The following GSKIP variants were observed in gnomAD, a reference collection of about 807,000 sequenced individuals.
GSKIP encodes the protein GSK3B-interacting protein.
A neutral mutation model predicts 11.9 loss-of-function variants in GSKIP; 5 were observed. The ratio of observed to expected loss-of-function variants is 0.42; its 90% CI spans 0.22 to 0.89. The LOEUF is 0.89. Among genes scored for constraint, GSKIP ranks in the 40% least tolerant of loss-of-function variants. GSKIP has a pLI of 0.29. For synonymous variants in GSKIP, 70 were observed against 62.9 expected (o/e 1.11, Z -0.54); for missense variants, 150 against 166.6 (o/e 0.90, Z 0.55).
intron 1 of GSKIP, among the ~76,000 whole-genome samples, chr14:96,369,276 C>G (rs1446698474): frequency 1.3e-5 from 2 of 152,112 alleles, no homozygotes; most frequent in African/African-American, 2.4e-5. Context: ...AAGGAATGAC[C>G]TAAAGTTGGA....
chr14:96,369,277 TA>T (rs1383420573), intron 1 of GSKIP, among the ~76,000 whole-genome samples: 5 of 152,158 alleles, frequency 3.3e-5, no homozygotes, highest in Non-Finnish European at 7.3e-5. Flanking sequence ...AGGAATGACC[TA>T]AAGTTGGAAT....
At chr14:96,385,383 C>A in intron 3 of GSKIP, 140 bp from the exon 4 acceptor site, 1 of 596,892 alleles carries the variant, frequency 1.7e-6, no homozygotes, top group Non-Finnish European at 2.9e-6. Flanking sequence ...CACTCAGTTA[C>A]CCATGTATCT....
chr14:96,379,988 C>T (rs993584638), intron 2 of GSKIP, 200 bp downstream of exon 2: 12 of 152,046 alleles, frequency 7.9e-5, no homozygotes, highest in African/African-American at 2.4e-4. Flanking sequence ...ATCTTCAAAA[C>T]TATGTAAAAA....
intron 2 of GSKIP, among the ~76,000 whole-genome samples, chr14:96,380,672 T>C (rs1481512175): frequency 6.6e-6 from 1 of 152,158 alleles, no homozygotes; most frequent in Non-Finnish European, 1.5e-5. Context: ...GGTGTCCATA[T>C]TGTCAGAAAA....
chr14:96,367,152 C>T (rs576434675), intron 1 of GSKIP, among the ~76,000 whole-genome samples: 1 of 152,252 alleles, frequency 6.6e-6, no homozygotes, highest in Admixed American at 6.5e-5. Context: ...AGCTGTTTGC[C>T]CAGCACAGTT....
In GSKIP at chr14:96,381,805, CTTTTTT is replaced by C. The variant is rs3834520; in HGVS notation, c.-1-440_-1-435del. Among the ~76,000 whole-genome samples, 611 of 152,216 alleles carry C rather than the reference CTTTTTT, an allele frequency of 4.0e-3. 22 individuals carry two copies. The South Asian group carries it at 0.059, about 15-fold the overall frequency. On this transcript the variant is annotated intron_variant, in intron 2 of 3. Transcript: ENST00000555181. ...ATTGGTAAAGTATAAGTCATACTCTCTTTTTTTGTTTTTTTGAAGGGTAAATTGACA... is the reference window on the plus strand; with the variant it reads ...ATTGGTAAAGTATAAGTCATACTCTCTGTTTTTTTGAAGGGTAAATTGACA...
intron 3 of GSKIP, among the ~76,000 whole-genome samples, chr14:96,383,594 T>G (rs992701607): frequency 3.9e-5 from 6 of 152,344 alleles, no homozygotes; most frequent in Non-Finnish European, 7.3e-5. Context: ...CCTAAGCAAG[T>G]AAGAATGTCA....
chr14:96,363,574 C>G lies in GSKIP; in HGVS notation c.-103+6C>G, dbSNP rs985396452. On this transcript the variant is annotated splice_donor_region_variant and intron_variant, in intron 1 of 3. Transcript: ENST00000555181. Reference sequence around the variant, plus strand: ...AGAGGACGCCGGGCGCGCAGGTGAGCGGCAGCCGGGGTGGCTGCGGGCGAG... The same window carrying G: ...AGAGGACGCCGGGCGCGCAGGTGAGGGGCAGCCGGGGTGGCTGCGGGCGAG... 1 of 152,634 alleles carries G rather than the reference C, an allele frequency of 6.6e-6. No homozygotes were observed. 9.5% of individuals were successfully genotyped at this position (152,634 alleles called of 1,614,324 possible).
At chr14:96,373,255 AAGG>A (rs1407072281) in intron 1 of GSKIP, among the ~76,000 whole-genome samples, 4 of 150,596 alleles carry the variant, frequency 2.7e-5, no homozygotes, top group Non-Finnish European at 3.0e-5. Flanking sequence ...AAAAAAAAGA[AAGG>A]AGGATACTCA....
Position 96,380,390 on chromosome 14 carries a change from C to G in GSKIP, c.-2+602C>G, listed in dbSNP as rs73365126. On this transcript the variant is annotated intron_variant, in intron 2 of 3. Coordinates refer to ENST00000555181, the MANE Select transcript of GSKIP (RefSeq NM_016472.5). The stretch of plus-strand genomic sequence containing the variant: ...TGCAAATGACATTCAGCTGTAGGAA[C>G]TCCAGCTTCTTAAGATTTTTGCTGA... The G allele has an allele frequency of 3.0e-3, 452 of 152,310 alleles. 1 individual carries two copies. The highest frequency in any genetic ancestry group is 0.01 in the African/African-American group (433 of 41,570). 9.4% of individuals were successfully genotyped at this position (152,310 alleles called of 1,614,324 possible).
At position 96,377,435 on chromosome 14, in the gene GSKIP, C is replaced by T. The variant is rs528949557; in HGVS notation, c.-102-2253C>T. ...GTGGTTGTTCCTTCGCTGAAATGGGCGTGTATTTTCTCATCCTCAATGGTA... is the reference window on the plus strand; with the variant it reads ...GTGGTTGTTCCTTCGCTGAAATGGGTGTGTATTTTCTCATCCTCAATGGTA... On this transcript the variant is annotated intron_variant, in intron 1 of 3. Coordinates refer to ENST00000555181, the MANE Select transcript of GSKIP (RefSeq NM_016472.5). Among the ~76,000 whole-genome samples, 18 of 152,208 alleles carry T rather than the reference C, an allele frequency of 1.2e-4. No individual in the cohort carries two copies. In the East Asian group the frequency reaches 1.3e-3, roughly 11 times the overall value.
chr14:96,383,807 T>G (rs1188943926), intron 3 of GSKIP, among the ~76,000 whole-genome samples: 1 of 152,236 alleles, frequency 6.6e-6, no homozygotes, highest in Non-Finnish European at 1.5e-5. Context: ...GCACTTCTTT[T>G]CACATCCTTA....
At chr14:96,382,807 C>T (rs769786375) in intron 3 of GSKIP, among the ~76,000 whole-genome samples, 6 of 152,148 alleles carry the variant, frequency 3.9e-5, no homozygotes, top group Non-Finnish European at 8.8e-5. Flanking sequence ...CAGAATTATA[C>T]ATACATTCTT....
intron 1 of GSKIP, among the ~76,000 whole-genome samples, chr14:96,372,023 C>T (rs114637432): frequency 7.5e-4 from 114 of 152,244 alleles, no homozygotes; most frequent in African/African-American, 2.5e-3. Flanking sequence ...ACCCTAGACG[C>T]GTAGGGGTAT....
chr14:96,371,330 A>C (rs1318130223), intron 1 of GSKIP, among the ~76,000 whole-genome samples: 1 of 152,166 alleles, frequency 6.6e-6, no homozygotes. Context: ...CCTACACCCT[A>C]TACTTTCCAA....
rs748583431 is a variant in GSKIP at position 96,385,733 on chromosome 14, A to G, written c.*49A>G. The G allele has an allele frequency of 1.3e-6, 2 of 1,483,280 alleles. No homozygotes were observed. The highest frequency in any genetic ancestry group is 1.8e-6 in the Non-Finnish European group (2 of 1,095,800). 91.9% of individuals were successfully genotyped at this position (1,483,280 alleles called of 1,614,324 possible). A position where few individuals can be genotyped will look rare whatever the true frequency, so the allele number is the denominator to read the frequency against. On this transcript the variant is annotated 3_prime_UTR_variant, in exon 4 of 4. Transcript: ENST00000555181. ...GCTGGTGCTGGTACAGAATGTTGAT[A>G]TAAAGCTTAAAATTCTTGCATATGG...
In GSKIP at chr14:96,382,352, C is replaced by A. The variant is rs202106867; in HGVS notation, c.105C>A (p.Leu35=). The change falls in exon 3 of 4, where the codon CTC becomes CTA. Residue 35 remains leucine, a synonymous_variant. Transcript: ENST00000555181. ...FEGTDMKDMR[L]EAEAVVNDVL... ...GAACTGACATGAAAGACATGAGGCTCGAAGCTGAAGCAGTTGTAAATGATG... is the reference window on the plus strand; with the variant it reads ...GAACTGACATGAAAGACATGAGGCTAGAAGCTGAAGCAGTTGTAAATGATG... 1 of 1,613,574 alleles carries A rather than the reference C, an allele frequency of 6.2e-7. No homozygotes were observed.
chr14:96,383,527 GT>G (rs1199569618), intron 3 of GSKIP, among the ~76,000 whole-genome samples: 2 of 152,286 alleles, frequency 1.3e-5, no homozygotes, highest in African/African-American at 4.8e-5. Flanking sequence ...ACATTTCTGT[GT>G]TTCTATATTT....
At position 96,382,455 on chromosome 14, in the gene GSKIP, A is replaced by G. The variant is rs761719148; in HGVS notation, c.208A>G (p.Thr70Ala). The G allele has an allele frequency of 1.2e-6, 2 of 1,613,518 alleles. No individual in the cohort carries two copies. The highest frequency in any genetic ancestry group is 1.7e-6 in the Non-Finnish European group (2 of 1,179,482). The change falls in exon 3 of 4, where the codon ACA (threonine) becomes GCA (alanine). Residue 70 changes from threonine to alanine, a missense_variant. Transcript: ENST00000555181. ...ADDVAYINVE[T>A]KERNRYCLEL... Reference sequence around the variant, plus strand: ...TGATGTGGCCTATATCAATGTGGAAACAAAGGAAAGAAACAGATATTGCCT... The same window carrying G: ...TGATGTGGCCTATATCAATGTGGAAGCAAAGGAAAGAAACAGATATTGCCT...
Sources: allele counts gnomAD v4.1 joint callset (sites outside exome capture counted in the v4.1 genomes callset), GRCh38; gene constraint gnomAD v4.1.1; transcripts MANE v1.5; gene names NCBI Gene and HGNC (gene_info 2026-07-23, HGNC 2026-07-21).